NBPF12: variants seen among roughly 807,000 people sequenced by gnomAD.
NBPF12 encodes NBPF member 12, also known as NBPF family member NBPF12.
In NBPF12, 115 loss-of-function variants were observed where a neutral mutation model predicts 146.4. That is an observed-to-expected ratio of 0.79 (90% CI 0.68 to 0.92). NBPF12 has a LOEUF of 0.92. NBPF12 is among the 40% of genes least tolerant of loss of function. The pLI is 0.00. For missense variants in NBPF12, 1,205 were observed against 1,326.8 expected, an observed-to-expected ratio of 0.91 and a Z score of 1.43; for synonymous variants, 385 against 508.9, an observed-to-expected ratio of 0.76 and a Z score of 3.28.
intron 6 of NBPF12, 88 bp downstream of exon 9, chr1:146,963,397 A>G: frequency 6.2e-7 from 1 of 1,602,328 alleles, no homozygotes; most frequent in East Asian, 2.2e-5. Context: ...CAGTTGTATC[A>G]GTGGGGTTTT....
In NBPF12 at chr1:146,970,736, A is replaced by T; in HGVS notation, c.1379+17A>T. On this transcript the variant is annotated intron_variant, in intron 12 of 33. Transcript: ENST00000617844. ...TTCCCCCAGGTGACACTGAATACTC[A>T]GGAGCAAGTAATGGGTGTTAACATA... 7.5e-7 allele frequency: 1 copy of T among 1,330,872 alleles called. No homozygotes were observed. The highest frequency in any genetic ancestry group is 1.1e-6 in the Non-Finnish European group (1 of 924,330). The allele number at this position is 1,330,872 out of a possible 1,614,324, so 82.4% of individuals were successfully genotyped here. A position where few individuals can be genotyped will look rare whatever the true frequency, so the allele number is the denominator to read the frequency against.
At chr1:146,980,240 C>T (rs1260527807) in intron 19 of NBPF12, among the ~76,000 whole-genome samples, 4 of 151,776 alleles carry the variant, frequency 2.6e-5, no homozygotes, top group African/African-American at 4.9e-5. Context: ...CTGAGTACAG[C>T]GCACCGATGG....
chr1:146,962,191 T>C lies in NBPF12; in HGVS notation c.206T>C (p.Phe69Ser), dbSNP rs1307705390. ...GAAGAGTGTAAAGACCTCATAAAAT[T>C]TATGCTGAGGAATGAGCGACAGTTC... Residue 69 changes from phenylalanine (F) to serine (S), a missense_variant, in exon 5 of 34, where the codon TTT becomes TCT. Physicochemically the swap from Phe to Ser is radical, Grantham distance 155. Coordinates refer to ENST00000617844, the Ensembl canonical transcript of NBPF12. 21 of 1,608,716 alleles carry C rather than the reference T, an allele frequency of 1.3e-5. No individual in the cohort carries two copies. In the East Asian group the frequency reaches 1.3e-4, roughly 10 times the overall value.
exon 8 of NBPF12, chr1:146,964,916 G>A (rs1656093191): frequency 1.9e-6 from 3 of 1,606,492 alleles, no homozygotes; most frequent in East Asian, 4.5e-5. Context: ...GCTGAAGAGA[G>A]CAAAGTCCCT....
chr1:146,967,773 G>T (rs1310555173), intron 9 of NBPF12, among the ~76,000 whole-genome samples: 1 of 150,202 alleles, frequency 6.7e-6, no homozygotes, highest in Non-Finnish European at 1.5e-5. Context: ...TTGCTACAGT[G>T]AATTACATGA....
Position 146,964,784 on chromosome 1 carries a change from T to C in NBPF12, c.567-109T>C. 3.8e-6 allele frequency: 6 copies of C among 1,582,492 alleles called. No homozygotes were observed. The South Asian group carries it at 5.5e-5, about 15-fold the overall frequency. On this transcript the variant is annotated intron_variant, in intron 7 of 33. Transcript: ENST00000617844. ...TCTTTAAGGGAACCTCCATTTTGCT[T>C]TCTGGGACCACTCTCTTAATGCCGC...
upstream of NBPF12, among the ~76,000 whole-genome samples, chr1:146,946,946 T>C (rs1268198230): frequency 6.6e-6 from 1 of 152,024 alleles, no homozygotes; most frequent in African/African-American, 2.4e-5. Flanking sequence ...CTTTGCTGTT[T>C]TAAATTGTCT....
At chr1:146,962,995 G>C in intron 5 of NBPF12, 100 bp from the exon 9 acceptor site, 1 of 1,010,396 alleles carries the variant, frequency 9.9e-7, no homozygotes, top group Non-Finnish European at 1.6e-6. Context: ...TCTGCTTGAA[G>C]GTCTCCTTGA....
At chr1:146,965,246 T>C in intron 8 of NBPF12, 142 bp downstream of exon 11, 1 of 686,968 alleles carries the variant, frequency 1.5e-6, no homozygotes, top group South Asian at 1.7e-5. Context: ...ACACATATAA[T>C]CACAGCACTT....
At chr1:146,955,168 GATCA>G (rs1276592723) in intron 2 of NBPF12, among the ~76,000 whole-genome samples, 1 of 70,260 alleles carries the variant, frequency 1.4e-5, no homozygotes, top group Non-Finnish European at 2.8e-5. Flanking sequence ...TCATCAGGGA[GATCA>G]ATCAGTGCAA....
chr1:146,939,558 G>A (rs1288025488), intron 1 of NBPF12, among the ~76,000 whole-genome samples: 1 of 151,986 alleles, frequency 6.6e-6, no homozygotes, highest in Non-Finnish European at 1.5e-5. Context: ...AGGTTGGACT[G>A]TGGTGTTGGT....
intron 31 of NBPF12, among the ~76,000 whole-genome samples, chr1:146,992,488 G>GTC (rs1658256786): frequency 7.2e-6 from 1 of 139,546 alleles, no homozygotes; most frequent in African/African-American, 2.7e-5. Context: ...GTGTGTGTGT[G>GTC]TGTGTGTGTG....
chr1:146,973,703 C>A (rs1334499638), intron 14 of NBPF12, among the ~76,000 whole-genome samples: 2 of 148,026 alleles, frequency 1.4e-5, no homozygotes, highest in Non-Finnish European at 3.0e-5. Context: ...CAGTAGAATC[C>A]TTTGAACCCA....
At chr1:146,970,538 G>C in intron 11 of NBPF12, 109 bp from the exon 15 acceptor site, 2 of 1,392,822 alleles carry the variant, frequency 1.4e-6, no homozygotes, top group Non-Finnish European at 2.0e-6. Flanking sequence ...AGAGTTTTCA[G>C]TACAATGCTG....
chr1:146,960,870 G>A lies in NBPF12; in HGVS notation c.175+552G>A, dbSNP rs1357618406. On this transcript the variant is annotated intron_variant, in intron 4 of 33. Coordinates refer to ENST00000617844, the Ensembl canonical transcript of NBPF12. ...GCATCAAGAGCAGGGAGTAGGGGCCGTGCAGCATGGCTCACTCCTGTAATC... is the reference window on the plus strand; with the variant it reads ...GCATCAAGAGCAGGGAGTAGGGGCCATGCAGCATGGCTCACTCCTGTAATC... Among the ~76,000 whole-genome samples, 96 of 152,190 alleles carry A rather than the reference G, an allele frequency of 6.3e-4. 1 individual carries two copies. The highest frequency in any genetic ancestry group is 1.1e-3 in the Non-Finnish European group (72 of 68,040).
intron 11 of NBPF12, among the ~76,000 whole-genome samples, chr1:146,969,940 TG>T (rs1358670508): frequency 6.6e-6 from 1 of 151,056 alleles, no homozygotes; most frequent in Non-Finnish European, 1.5e-5. Flanking sequence ...GGCTTCTTTT[TG>T]GCAATGTTCT....
intron 2 of NBPF12, among the ~76,000 whole-genome samples, chr1:146,954,877 A>G (rs1353925984): frequency 1.7e-5 from 2 of 119,094 alleles, no homozygotes; most frequent in Non-Finnish European, 3.5e-5. Context: ...ATATGTATAC[A>G]CACCCACACA....
At chr1:146,964,971 C>T (rs1656095512) in exon 8 of NBPF12, 24 of 1,606,246 alleles carry the variant, frequency 1.5e-5, no homozygotes, top group Middle Eastern at 1.9e-4. Context: ...CAAATAGCCA[C>T]GGCCCTTGTG....
intron 18 of NBPF12, among the ~76,000 whole-genome samples, chr1:146,978,260 A>ATTTTTTT (rs1187524068): frequency 1.3e-4 from 11 of 83,918 alleles, no homozygotes; most frequent in East Asian, 7.6e-4. Flanking sequence ...AGCGTCGTAG[A>ATTTTTTT]TTTTTTTTTT....
Sources: allele counts gnomAD v4.1 joint callset (sites outside exome capture counted in the v4.1 genomes callset), GRCh38; gene constraint gnomAD v4.1.1; transcripts MANE v1.5; gene names NCBI Gene and HGNC (gene_info 2026-07-23, HGNC 2026-07-21).